Variants in PCDHA10 observed in about 807,000 individuals in gnomAD.
PCDHA10 encodes the protein protocadherin alpha 10.
PCDHA10 carries 45 observed loss-of-function variants against 61.2 expected under a neutral mutation model. The observed-to-expected ratio is 0.74, with a 90% CI of 0.58 to 0.94. The LOEUF (loss-of-function observed/expected upper bound fraction) is 0.94, where lower values mean the gene tolerates loss of function less well. Ranked by LOEUF, PCDHA10 falls within the 40% of genes least tolerant of loss-of-function variation. The probability of loss-of-function intolerance (pLI) is 0.00; values close to 1 mark genes in which losing one functional copy is unlikely to be tolerated. For synonymous variants in PCDHA10, 602 were observed against 548.8 expected (o/e 1.10, Z -1.35); for missense variants, 1,278 against 1,236.2 (o/e 1.03, Z -0.51).
intron 1 of PCDHA10, chr5:140,882,780 G>T: frequency 1.2e-6 from 2 of 1,614,160 alleles, no homozygotes; most frequent in Non-Finnish European, 1.7e-6. Context: ...TTGACCTACC[G>T]ACTGGATCCC....
rs781841380 is a variant in PCDHA10 at position 140,857,728 on chromosome 5, C to A, written c.1680C>A (p.Asn560Lys). 89 of 1,597,306 alleles carry A rather than the reference C, an allele frequency of 5.6e-5. 11 individuals are homozygous for A. Among genetic ancestry groups the A allele is most frequent in the Non-Finnish European group, 7.3e-5 (85 of 1,167,718 alleles). The change falls in exon 1 of 4, where the codon AAC becomes AAA. Residue 560 changes from asparagine to lysine, a missense_variant. By Grantham distance (94) the Asn-to-Lys change is moderately conservative. Transcript: ENST00000307360. ...TGTTCGTGCTGGACGAGAACGACAA[C>A]GCTCCCGCGCTGCTGGCGTCTCCCG... Reference protein sequence around the residue: ...LQVFVLDENDNAPALLASPAG... With the variant: ...LQVFVLDENDKAPALLASPAG...
Position 140,927,758 on chromosome 5 carries a change from A to C in PCDHA10, c.2389-51191A>C, listed in dbSNP as rs781942462. 3 of 1,614,170 alleles carry C rather than the reference A, an allele frequency of 1.9e-6. No individual in the cohort carries two copies. In the South Asian group the frequency reaches 3.3e-5, roughly 18 times the overall value. Reference sequence around the variant, plus strand: ...CGACACCGCTTTCACGTGCACCCTAAAAGTGGGGAGGTGCAAGTAGCTGCT... The same window carrying C: ...CGACACCGCTTTCACGTGCACCCTACAAGTGGGGAGGTGCAAGTAGCTGCT... On this transcript the variant is annotated intron_variant, in intron 1 of 3. Transcript: ENST00000307360.
intron 1 of PCDHA10, chr5:140,883,594 G>T: frequency 1.9e-6 from 3 of 1,614,032 alleles, no homozygotes; most frequent in Non-Finnish European, 2.5e-6. Context: ...CCAGCGTGTC[G>T]GTGGGGGTGG....
chr5:140,884,486 G>T, intron 1 of PCDHA10: 1 of 1,614,030 alleles, frequency 6.2e-7, no homozygotes, highest in Non-Finnish European at 8.5e-7. Flanking sequence ...GCCCACTCTA[G>T]TGTGCTCCAG....
intron 1 of PCDHA10, among the ~76,000 whole-genome samples, chr5:140,902,590 A>G (rs1266008229): frequency 6.6e-6 from 1 of 151,942 alleles, no homozygotes; most frequent in African/African-American, 2.4e-5. Flanking sequence ...TAGTTTTGGG[A>G]AACAGGTCGT....
intron 1 of PCDHA10, among the ~76,000 whole-genome samples, chr5:140,953,511 G>A (rs1243901831): frequency 1.3e-5 from 2 of 152,114 alleles, no homozygotes; most frequent in Non-Finnish European, 2.9e-5. Flanking sequence ...TTAGGCCAAA[G>A]CAACAAAAAC....
rs561828077 is a variant in PCDHA10 at position 140,908,632 on chromosome 5, C to T, written c.2388+50196C>T. On this transcript the variant is annotated intron_variant, in intron 1 of 3. Transcript: ENST00000307360. ...TGCTCCAAAATCCTTGAGGTCTCCA[C>T]TGTGATTCACTTATGGGGGCCTGCC... Among the ~76,000 whole-genome samples the T allele has an allele frequency of 9.8e-5, 15 of 152,318 alleles. No individual in the cohort carries two copies. In the East Asian group the frequency reaches 2.9e-3, roughly 29 times the overall value.
intron 1 of PCDHA10, among the ~76,000 whole-genome samples, chr5:140,887,995 G>A (rs537858803): frequency 8.5e-5 from 13 of 152,066 alleles, no homozygotes; most frequent in South Asian, 6.2e-4. Context: ...TGTCTCCACC[G>A]AATAGTCATC....
chr5:140,872,817 T>G (rs1316271424), intron 1 of PCDHA10, among the ~76,000 whole-genome samples: 1 of 152,214 alleles, frequency 6.6e-6, no homozygotes, highest in African/African-American at 2.4e-5. Context: ...TTTTTCAGAT[T>G]CATCTAGCAG....
In PCDHA10 at chr5:141,000,611, A is replaced by T. The variant is rs185617081; in HGVS notation, c.2537-9016A>T. Among the ~76,000 whole-genome samples the T allele has an allele frequency of 4.7e-3, 713 of 150,994 alleles. 3 individuals carry two copies. Among genetic ancestry groups the T allele is most frequent in the Non-Finnish European group, 7.5e-3 (505 of 67,758 alleles). ...CCCAGCTAATTTTTGTATTTTTAGT[A>T]GAGACAGGGTTTCACCATGTTGGGC... On this transcript the variant is annotated intron_variant, in intron 3 of 3. Transcript: ENST00000307360.
chr5:140,944,310 C>T (rs1036800359), intron 1 of PCDHA10, among the ~76,000 whole-genome samples: 6 of 152,132 alleles, frequency 3.9e-5, no homozygotes, highest in Non-Finnish European at 7.4e-5. Flanking sequence ...ACCTCAGCCT[C>T]CTGAGTAGCT....
At chr5:140,938,476 T>A (rs1393084209) in intron 1 of PCDHA10, among the ~76,000 whole-genome samples, 2 of 152,194 alleles carry the variant, frequency 1.3e-5, no homozygotes, top group African/African-American at 2.4e-5. Context: ...TTATGTTTTT[T>A]AAAAATCATG....
At chr5:140,883,626 C>A (rs782798960) in intron 1 of PCDHA10, 2 of 1,613,968 alleles carry the variant, frequency 1.2e-6, no homozygotes, top group Non-Finnish European at 1.7e-6. Flanking sequence ...GACAACGCGC[C>A]GGCGTTCGCG....
intron 1 of PCDHA10, chr5:140,928,383 G>T (rs1474490422): frequency 2.5e-6 from 4 of 1,613,920 alleles, no homozygotes; most frequent in South Asian, 1.1e-5. Context: ...CCTCTAGCTT[G>T]CTGGCAGTGG....
In PCDHA10 at chr5:140,870,563, C is replaced by G. The variant is rs1333019449; in HGVS notation, c.2388+12127C>G. The G allele has an allele frequency of 6.2e-6, 10 of 1,613,994 alleles. No individual in the cohort carries two copies. Among genetic ancestry groups the G allele is most frequent in the Non-Finnish European group, 8.5e-6 (10 of 1,179,984 alleles). ...CGGGACGCGGACGCGCAGGAGAACG[C>G]GCTGGTGTCCTACTCGCTGGTGGAG... On this transcript the variant is annotated intron_variant, in intron 1 of 3. Transcript: ENST00000307360.
intron 1 of PCDHA10, among the ~76,000 whole-genome samples, chr5:140,945,758 G>A (rs1483102794): frequency 6.6e-6 from 1 of 152,014 alleles, no homozygotes; most frequent in Non-Finnish European, 1.5e-5. Flanking sequence ...ATAAATGGTG[G>A]TGGGACAATT....
chr5:140,971,163 T>C (rs2096460132), intron 1 of PCDHA10, among the ~76,000 whole-genome samples: 1 of 152,180 alleles, frequency 6.6e-6, no homozygotes, highest in Non-Finnish European at 1.5e-5. Flanking sequence ...AGGCTCAGCT[T>C]TGCCACCAGC....
Position 140,989,317 on chromosome 5 carries a change from C to T in PCDHA10, c.2536+6754C>T, listed in dbSNP as rs184467267. Among the ~76,000 whole-genome samples, 489 of 152,240 alleles carry T rather than the reference C, an allele frequency of 3.2e-3. 2 individuals carry two copies. Among genetic ancestry groups the T allele is most frequent in the African/African-American group, 0.011 (440 of 41,530 alleles). Reference sequence around the variant, plus strand: ...AAAGGGCCAAGGAAGTAGGGTCTCACCAACTTTGCCACCTGACTCAGCTCA... The same window carrying T: ...AAAGGGCCAAGGAAGTAGGGTCTCATCAACTTTGCCACCTGACTCAGCTCA... On this transcript the variant is annotated intron_variant, in intron 3 of 3. Transcript: ENST00000307360.
intron 1 of PCDHA10, among the ~76,000 whole-genome samples, chr5:140,873,882 A>G (rs1311106784): frequency 6.6e-6 from 1 of 152,152 alleles, no homozygotes; most frequent in Non-Finnish European, 1.5e-5. Context: ...GCTGGTCTTG[A>G]ACTCCTGACC....
Sources: gnomAD v4.1 joint callset for allele counts (sites outside exome capture counted in the v4.1 genomes callset) on GRCh38, gnomAD v4.1.1 for gene constraint, MANE v1.5 for transcripts, NCBI Gene and HGNC (gene_info 2026-07-23, HGNC 2026-07-21) for gene names.